OR2W1: variants seen among roughly 807,000 people sequenced by gnomAD.
OR2W1 encodes olfactory receptor family 2 subfamily W member 1.
For synonymous variants in OR2W1, 133 were observed against 137.8 expected (o/e 0.97, Z 0.24); for missense variants, 367 against 385.3 (o/e 0.95, Z 0.40).
chr6:29,044,976 G>A lies in OR2W1; in HGVS notation c.200C>T (p.Ser67Phe), dbSNP rs1432927416. The change falls in exon 1 of 1, where the codon TCT (serine) becomes TTT (phenylalanine). Residue 67 changes from serine to phenylalanine, a missense_variant. Physicochemically the swap from Ser to Phe is radical, Grantham distance 155. Transcript: ENST00000377175. This position sits in a 1 kb window ranked among gnomAD's most constrained non-coding sequence, Gnocchi z 4.3. ...GGTTGTGAAACATAGATCTAGGAAAGATAAATTTCTGAGGAAAAAGTACAT... is the reference window on the plus strand; with the variant it reads ...GGTTGTGAAACATAGATCTAGGAAAAATAAATTTCTGAGGAAAAAGTACAT... ...TPMYFFLRNL[S>F]FLDLCFTTSI... 1.9e-6 allele frequency: 3 copies of A among 1,612,844 alleles called. No homozygotes were observed. The highest frequency in any genetic ancestry group is 1.1e-5 in the South Asian group (1 of 91,084).
chr6:29,044,473 G>T lies in OR2W1; in HGVS notation c.703C>A (p.Arg235=). The change falls in exon 1 of 1, where the codon CGA becomes AGA. Residue 235 remains arginine (R), a synonymous_variant. Transcript: ENST00000377175. The surrounding 1 kb of genome is among the most constrained non-coding windows in gnomAD (Gnocchi z 4.3). ...VLRTKSKASQ[R]KAMNTCGSHL... is the part of the protein sequence containing the mutation. Reference sequence around the variant, plus strand: ...GATCCACAGGTATTCATTGCTTTTCGCTGGCTTGCTTTTGACTTCGTTCTC... The same window carrying T: ...GATCCACAGGTATTCATTGCTTTTCTCTGGCTTGCTTTTGACTTCGTTCTC... 1.2e-6 allele frequency: 2 copies of T among 1,612,928 alleles called. No homozygotes were observed. Among genetic ancestry groups the T allele is most frequent in the Non-Finnish European group, 1.7e-6 (2 of 1,179,978 alleles).
rs769472306 is a variant in OR2W1, at chr6:29,044,838, A to C, written c.338T>G (p.Leu113Arg). 1 of 1,613,044 alleles carries C rather than the reference A, an allele frequency of 6.2e-7. No homozygotes were observed. Among genetic ancestry groups the C allele is most frequent in the East Asian group, 2.2e-5 (1 of 44,882 alleles). Reference sequence around the variant, plus strand: ...ATCATAGGACATAACAGCCAGGAGAAGGCACTCAACTGAGCCCAACCACAT... The same window carrying C: ...ATCATAGGACATAACAGCCAGGAGACGGCACTCAACTGAGCCCAACCACAT... ...VYMWLGSVECLLLAVMSYDRF... is the reference protein window; with the variant it reads ...VYMWLGSVECRLLAVMSYDRF... Residue 113 changes from leucine to arginine, a missense_variant, in exon 1 of 1, where the codon CTT becomes CGT. Leu to Arg is a moderately radical substitution (Grantham distance 102). Transcript: ENST00000377175. This position sits in a 1 kb window ranked among gnomAD's most constrained non-coding sequence, Gnocchi z 4.3.
rs745433302 is a variant in OR2W1 at position 29,044,828 on chromosome 6, A to G, written c.348T>C (p.Ala116=). 1 of 1,613,042 alleles carries G rather than the reference A, an allele frequency of 6.2e-7. No homozygotes were observed. Among genetic ancestry groups the G allele is most frequent in the South Asian group, 1.1e-5 (1 of 91,084 alleles). The stretch of plus-strand genomic sequence containing the variant: ...CTGTAAAACGATCATAGGACATAAC[A>G]GCCAGGAGAAGGCACTCAACTGAGC... The part of the protein sequence containing the change: ...WLGSVECLLL[A]VMSYDRFTAI... The change falls in exon 1 of 1, where the codon GCT becomes GCC. Residue 116 remains alanine (A), a synonymous_variant. Coordinates refer to ENST00000377175, the MANE Select transcript of OR2W1 (RefSeq NM_030903.3). This position sits in a 1 kb window ranked among gnomAD's most constrained non-coding sequence, Gnocchi z 4.3.
At position 29,044,551 on chromosome 6, in the gene OR2W1, T is replaced by G; in HGVS notation, c.625A>C (p.Thr209Pro). The change falls in exon 1 of 1, where the codon ACA (threonine) becomes CCA (proline). Residue 209 changes from threonine to proline, a missense_variant. Thr to Pro is a conservative substitution (Grantham distance 38). Transcript: ENST00000377175. This position sits in a 1 kb window ranked among gnomAD's most constrained non-coding sequence, Gnocchi z 4.3. ...GATATAAGAATAAGGATGAGAGGTG[T>G]GAGGACAATTATAATGCCTAAAGCG... ...VFALGIIIVL[T>P]PLILILISYG... 1 of 1,613,038 alleles carries G rather than the reference T, an allele frequency of 6.2e-7. No individual in the cohort carries two copies. Among genetic ancestry groups the G allele is most frequent in the Non-Finnish European group, 8.5e-7 (1 of 1,180,010 alleles).
In OR2W1 at chr6:29,045,000, A is replaced by C. The variant is rs151022238; in HGVS notation, c.176T>G (p.Met59Arg). 3.2e-4 allele frequency: 519 copies of C among 1,612,856 alleles called. No individual in the cohort carries two copies. The highest frequency in any genetic ancestry group is 4.2e-4 in the Non-Finnish European group (501 of 1,179,960). The change falls in exon 1 of 1, where the codon ATG becomes AGG. Residue 59 changes from methionine to arginine, a missense_variant. Transcript: ENST00000377175. The surrounding 1 kb of genome is among the most constrained non-coding windows in gnomAD (Gnocchi z 4.3). ...SLLDSQLHTPMYFFLRNLSFL... is the reference protein window; with the variant it reads ...SLLDSQLHTPRYFFLRNLSFL... The stretch of plus-strand genomic sequence containing the variant: ...AGATAAATTTCTGAGGAAAAAGTAC[A>C]TTGGTGTATGAAGCTGGGAATCCAG...
At position 29,044,519 on chromosome 6, in the gene OR2W1, G is replaced by T; in HGVS notation, c.657C>A (p.Gly219=). 6.2e-7 allele frequency: 1 copy of T among 1,613,006 alleles called. No homozygotes were observed. Among genetic ancestry groups the T allele is most frequent in the Non-Finnish European group, 8.5e-7 (1 of 1,179,978 alleles). The change falls in exon 1 of 1, where the codon GGC becomes GGA. Residue 219 remains glycine (G), a synonymous_variant. Coordinates refer to ENST00000377175, the MANE Select transcript of OR2W1 (RefSeq NM_030903.3). The surrounding 1 kb of genome is among the most constrained non-coding windows in gnomAD (Gnocchi z 4.3). The part of the protein sequence containing the change: ...TPLILILISY[G]YIAKAVLRTK... ...TTCTCAGCACAGCTTTGGCAATGTA[G>T]CCATAGGATATAAGAATAAGGATGA... is the stretch of plus-strand genomic sequence containing the variant.
Position 29,045,150 on chromosome 6 carries a change from A to G in OR2W1, c.26T>C (p.Leu9Ser), listed in dbSNP as rs1263207492. ...GAAGCCAAGCAGAATAAAACCATGT[A>G]AAGAACTATAATTGCTTTGGTCCAT... MDQSNYSS[L>S]HGFILLGFSN... Residue 9 changes from leucine (L) to serine (S), a missense_variant, in exon 1 of 1, where the codon TTA becomes TCA. Transcript: ENST00000377175. 1.9e-6 allele frequency: 3 copies of G among 1,611,314 alleles called. No homozygotes were observed. Among genetic ancestry groups the G allele is most frequent in the Non-Finnish European group, 2.5e-6 (3 of 1,179,296 alleles).
Position 29,044,566 on chromosome 6 carries a change from T to C in OR2W1, c.610A>G (p.Ile204Val). 2 of 1,613,028 alleles carry C rather than the reference T, an allele frequency of 1.2e-6. No individual in the cohort carries two copies. Among genetic ancestry groups the C allele is most frequent in the Non-Finnish European group, 1.7e-6 (2 of 1,179,990 alleles). ...ATGAGAGGTGTGAGGACAATTATAATGCCTAAAGCGAAAACAGACATTTCA... is the reference window on the plus strand; with the variant it reads ...ATGAGAGGTGTGAGGACAATTATAACGCCTAAAGCGAAAACAGACATTTCA... ...TVEMSVFALG[I>V]IIVLTPLILI... is the part of the protein sequence containing the mutation. The change falls in exon 1 of 1, where the codon ATT becomes GTT. Residue 204 changes from isoleucine to valine, a missense_variant. Transcript: ENST00000377175. The surrounding 1 kb of genome is among the most constrained non-coding windows in gnomAD (Gnocchi z 4.3).
rs865872628 is a variant in OR2W1, at chr6:29,044,898, C to T, written c.278G>A (p.Ser93Asn). 3.1e-6 allele frequency: 5 copies of T among 1,612,896 alleles called. No individual in the cohort carries two copies. The highest frequency in any genetic ancestry group is 4.2e-6 in the Non-Finnish European group (5 of 1,179,954). Residue 93 changes from serine (S) to asparagine (N), a missense_variant, in exon 1 of 1, where the codon AGC becomes AAC. Transcript: ENST00000377175. The surrounding 1 kb of genome is among the most constrained non-coding windows in gnomAD (Gnocchi z 4.3). ...VNLWGPDKTI[S>N]YVGCIIQLYV... ...GAGTTGGATGATACAACCCACATAG[C>T]TGATGGTCTTATCAGGTCCCCACAA...
In OR2W1 at chr6:29,044,448, G is replaced by A. The variant is rs777884262; in HGVS notation, c.728C>T (p.Ser243Phe). Residue 243 changes from serine to phenylalanine, a missense_variant, in exon 1 of 1, where the codon TCT becomes TTT. Transcript: ENST00000377175. The surrounding 1 kb of genome is among the most constrained non-coding windows in gnomAD (Gnocchi z 4.3). Reference protein sequence around the residue: ...SQRKAMNTCGSHLTVVSMFYG... With the variant: ...SQRKAMNTCGFHLTVVSMFYG... Reference sequence around the variant, plus strand: ...GAACATAGACACTACAGTAAGATGAGATCCACAGGTATTCATTGCTTTTCG... The same window carrying A: ...GAACATAGACACTACAGTAAGATGAAATCCACAGGTATTCATTGCTTTTCG... 1.9e-6 allele frequency: 3 copies of A among 1,613,022 alleles called. No individual in the cohort carries two copies. The South Asian group carries it at 3.3e-5, about 18-fold the overall frequency.
chr6:29,044,361 T>G lies in OR2W1; in HGVS notation c.815A>C (p.Lys272Thr). The change falls in exon 1 of 1, where the codon AAG (lysine) becomes ACG (threonine). Residue 272 changes from lysine (K) to threonine (T), a missense_variant. Transcript: ENST00000377175. The surrounding 1 kb of genome is among the most constrained non-coding windows in gnomAD (Gnocchi z 4.3). ...GACGGTGTAAAAGAGGGTGAGGAAC[T>G]TGCCCTGGTCTTTGGAAGCCCTGTT... ...PGNRASKDQG[K>T]FLTLFYTVIT... 1 of 1,612,884 alleles carries G rather than the reference T, an allele frequency of 6.2e-7. No individual in the cohort carries two copies. The highest frequency in any genetic ancestry group is 1.1e-5 in the South Asian group (1 of 91,070).
Position 29,045,008 on chromosome 6 carries a change from A to G in OR2W1, c.168T>C (p.His56=), listed in dbSNP as rs1784076750. ...ILASLLDSQL[H]TPMYFFLRNL... ...TTCTGAGGAAAAAGTACATTGGTGTATGAAGCTGGGAATCCAGGAGAGATG... is the reference window on the plus strand; with the variant it reads ...TTCTGAGGAAAAAGTACATTGGTGTGTGAAGCTGGGAATCCAGGAGAGATG... Residue 56 remains histidine, a synonymous_variant, in exon 1 of 1, where the codon CAT becomes CAC. Transcript: ENST00000377175. 2 of 1,613,016 alleles carry G rather than the reference A, an allele frequency of 1.2e-6. No homozygotes were observed. Among genetic ancestry groups the G allele is most frequent in the Non-Finnish European group, 1.7e-6 (2 of 1,179,960 alleles).
At position 29,044,346 on chromosome 6, in the gene OR2W1, A is replaced by G; in HGVS notation, c.830T>C (p.Phe277Ser). Residue 277 changes from phenylalanine (F) to serine (S), a missense_variant, in exon 1 of 1, where the codon TTT (phenylalanine) becomes TCT (serine). Physicochemically the swap from Phe to Ser is radical, Grantham distance 155. Transcript: ENST00000377175. The surrounding 1 kb of genome is among the most constrained non-coding windows in gnomAD (Gnocchi z 4.3). ...GAGACTTGGAGTGATGACGGTGTAA[A>G]AGAGGGTGAGGAACTTGCCCTGGTC... ...SKDQGKFLTL[F>S]YTVITPSLNP... 1 of 1,612,836 alleles carries G rather than the reference A, an allele frequency of 6.2e-7. No individual in the cohort carries two copies. The highest frequency in any genetic ancestry group is 1.1e-5 in the South Asian group (1 of 91,062).
chr6:29,044,860 A>T lies in OR2W1; in HGVS notation c.316T>A (p.Trp106Arg). Residue 106 changes from tryptophan (W) to arginine (R), a missense_variant, in exon 1 of 1, where the codon TGG becomes AGG. By Grantham distance (101) the Trp-to-Arg change is moderately radical. Coordinates refer to ENST00000377175, the MANE Select transcript of OR2W1 (RefSeq NM_030903.3). The surrounding 1 kb of genome is among the most constrained non-coding windows in gnomAD (Gnocchi z 4.3). ...AGAAGGCACTCAACTGAGCCCAACC[A>T]CATGTAAACATAGAGTTGGATGATA... ...GCIIQLYVYM[W>R]LGSVECLLLA... is the part of the protein sequence containing the mutation. 1 of 1,612,946 alleles carries T rather than the reference A, an allele frequency of 6.2e-7. No individual in the cohort carries two copies. Among genetic ancestry groups the T allele is most frequent in the Middle Eastern group, 1.6e-4 (1 of 6,062 alleles).
In OR2W1 at chr6:29,044,242, TAG is replaced by T. The variant is rs753593707; in HGVS notation, c.932_933del (p.Ser311TyrfsTer?). The T allele has an allele frequency of 2.5e-6, 4 of 1,573,304 alleles. No individual in the cohort carries two copies. In the African/African-American group the frequency reaches 5.5e-5, roughly 22 times the overall value. ...GACTTGCAATTCCTCTTTATTTTTG[TAG>T]ATTTGTGGTGAAATCTCATCAGTTT... Reference protein sequence around the residue: ...LKKLMRFHHKSTKIKRNCKS With the variant: ...LKKLMRFHHKXTKIKRNCKS On this transcript the variant is annotated frameshift_variant, in exon 1 of 1. Coordinates refer to ENST00000377175, the MANE Select transcript of OR2W1 (RefSeq NM_030903.3). LOFTEE classifies it low-confidence loss of function (END_TRUNC). This position sits in a 1 kb window ranked among gnomAD's most constrained non-coding sequence, Gnocchi z 4.3.
chr6:29,044,583 G>A lies in OR2W1; in HGVS notation c.593C>T (p.Ser198Phe), dbSNP rs778739698. The A allele has an allele frequency of 6.2e-7, 1 of 1,612,904 alleles. No individual in the cohort carries two copies. The highest frequency in any genetic ancestry group is 1.3e-5 in the African/African-American group (1 of 74,926). Residue 198 changes from serine to phenylalanine, a missense_variant, in exon 1 of 1, where the codon TCT becomes TTT. By Grantham distance (155) the Ser-to-Phe change is radical. Coordinates refer to ENST00000377175, the MANE Select transcript of OR2W1 (RefSeq NM_030903.3). The surrounding 1 kb of genome is among the most constrained non-coding windows in gnomAD (Gnocchi z 4.3). ...ACVDTTTVEM[S>F]VFALGIIIVL... is the part of the protein sequence containing the mutation. ...AATTATAATGCCTAAAGCGAAAACAGACATTTCAACTGTTGTGGTGTCTAC... is the reference window on the plus strand; with the variant it reads ...AATTATAATGCCTAAAGCGAAAACAAACATTTCAACTGTTGTGGTGTCTAC...
At position 29,044,645 on chromosome 6, in the gene OR2W1, G is replaced by A. The variant is rs1455871858; in HGVS notation, c.531C>T (p.Phe177=). The change falls in exon 1 of 1, where the codon TTC becomes TTT. Residue 177 remains phenylalanine (F), a synonymous_variant. Transcript: ENST00000377175. This position sits in a 1 kb window ranked among gnomAD's most constrained non-coding sequence, Gnocchi z 4.3. ...PTCGNNILDH[F]LCELPALVKI... ...TGACCAGAGCTGGCAACTCACACAAGAAATGATCCAGAATGTTGTTTCCAC... is the reference window on the plus strand; with the variant it reads ...TGACCAGAGCTGGCAACTCACACAAAAAATGATCCAGAATGTTGTTTCCAC... The A allele has an allele frequency of 6.2e-7, 1 of 1,612,904 alleles. No individual in the cohort carries two copies. Among genetic ancestry groups the A allele is most frequent in the Non-Finnish European group, 8.5e-7 (1 of 1,179,998 alleles).
Sources: allele counts gnomAD v4.1 joint callset, GRCh38; gene constraint gnomAD v4.1.1; non-coding constraint Gnocchi (gnomAD v3.1); transcripts MANE v1.5; gene names NCBI Gene and HGNC (gene_info 2026-07-23, HGNC 2026-07-21).